RUNDC3B: variants seen among roughly 807,000 people sequenced by gnomAD.
The protein encoded by RUNDC3B is RUN domain containing 3B, also known as RUN domain-containing protein 3B.
RUNDC3B carries 33 observed loss-of-function variants against 58.4 expected under a neutral mutation model. The observed-to-expected ratio is 0.56, with a 90% CI of 0.43 to 0.75. The LOEUF (loss-of-function observed/expected upper bound fraction) is 0.75. Among genes scored for constraint, RUNDC3B ranks in the 30% least tolerant of loss-of-function variants. The pLI, the probability that RUNDC3B is intolerant of heterozygous loss-of-function variation, is 0.00. For missense variants in RUNDC3B, 501 were observed against 535.7 expected (o/e 0.94, Z 0.64); for synonymous variants, 193 against 195.2 (o/e 0.99, Z 0.10).
At chr7:87,656,194 C>G (rs1824082853) in intron 2 of RUNDC3B, among the ~76,000 whole-genome samples, 2 of 151,812 alleles carry the variant, frequency 1.3e-5, no homozygotes, top group South Asian at 4.2e-4. Context: ...TTAGCCATTC[C>G]ATGATATATA....
intron 7 of RUNDC3B, among the ~76,000 whole-genome samples, chr7:87,775,372 T>G (rs1057442431): frequency 1.3e-5 from 2 of 152,226 alleles, no homozygotes; most frequent in Non-Finnish European, 2.9e-5. Context: ...AAAGAAAATG[T>G]TTTTGTATAG....
chr7:87,819,147 C>T (rs1202823101), intron 10 of RUNDC3B, among the ~76,000 whole-genome samples: 1 of 152,098 alleles, frequency 6.6e-6, no homozygotes, highest in East Asian at 1.9e-4. Flanking sequence ...AGTTGTGACT[C>T]GGCCCTGATC....
chr7:87,725,516 C>G (rs1172984058), intron 4 of RUNDC3B, among the ~76,000 whole-genome samples: 10 of 152,116 alleles, frequency 6.6e-5, no homozygotes, highest in African/African-American at 9.7e-5. Flanking sequence ...TTAGTTCCAA[C>G]TCTTTGCTAT....
rs543317729 is a variant in RUNDC3B at position 87,668,285 on chromosome 7, T to C, written c.238+17348T>C. Among the ~76,000 whole-genome samples the C allele has an allele frequency of 3.9e-5, 6 of 152,242 alleles. No individual in the cohort carries two copies. The East Asian group carries it at 9.6e-4, about 24-fold the overall frequency. ...TAGTTTGTGTATGTAGAGGTGTTCA[T>C]AGTAGTTTCTCTTGGTTGTTTTTGT... On this transcript the variant is annotated intron_variant, in intron 2 of 10. Coordinates refer to ENST00000394654, the MANE Select transcript of RUNDC3B (RefSeq NM_001134405.2).
At chr7:87,762,199 GC>G (rs1422594856) in intron 6 of RUNDC3B, among the ~76,000 whole-genome samples, 1 of 151,466 alleles carries the variant, frequency 6.6e-6, no homozygotes, top group African/African-American at 2.4e-5. Flanking sequence ...TGTATCACAT[GC>G]TTTTTCTGCA....
At chr7:87,808,584 A>C (rs976074432) in intron 9 of RUNDC3B, among the ~76,000 whole-genome samples, 1 of 152,114 alleles carries the variant, frequency 6.6e-6, no homozygotes, top group Non-Finnish European at 1.5e-5. Flanking sequence ...GATAAGTAGG[A>C]AAAGATGAAC....
rs1231797811 is a variant in RUNDC3B at position 87,754,374 on chromosome 7, G to C, written c.629+12795G>C. Among the ~76,000 whole-genome samples the C allele has an allele frequency of 3.9e-5, 6 of 152,166 alleles. No individual in the cohort carries two copies. The East Asian group carries it at 1.2e-3, about 29-fold the overall frequency. The stretch of plus-strand genomic sequence containing the variant: ...ATAATGAAATTAAGATGGAAATCAT[G>C]AAGTTCTTTGAAACCAATGAGAACA... On this transcript the variant is annotated intron_variant, in intron 6 of 10. Coordinates refer to ENST00000394654, the MANE Select transcript of RUNDC3B (RefSeq NM_001134405.2).
At chr7:87,751,980 T>C (rs1368052763) in intron 6 of RUNDC3B, among the ~76,000 whole-genome samples, 2 of 152,206 alleles carry the variant, frequency 1.3e-5, no homozygotes, top group African/African-American at 2.4e-5. Flanking sequence ...CTTCCAGTTT[T>C]TGCCCATTCA....
At chr7:87,721,890 A>G (rs1442592803) in intron 4 of RUNDC3B, among the ~76,000 whole-genome samples, 3 of 151,090 alleles carry the variant, frequency 2.0e-5, no homozygotes, top group Non-Finnish European at 4.4e-5. Context: ...ATTATTAGTT[A>G]TTTTATAGCG....
chr7:87,694,640 A>G (rs1468234647), intron 2 of RUNDC3B, among the ~76,000 whole-genome samples: 3 of 152,154 alleles, frequency 2.0e-5, no homozygotes, highest in African/African-American at 7.2e-5. Context: ...GACACACATT[A>G]TACTTGATTT....
chr7:87,669,304 T>C (rs1333631248), intron 2 of RUNDC3B, among the ~76,000 whole-genome samples: 1 of 152,184 alleles, frequency 6.6e-6, no homozygotes, highest in African/African-American at 2.4e-5. Flanking sequence ...AATCCCTTCT[T>C]TTTTCTGTTT....
At chr7:87,762,755 A>G (rs1289474667) in intron 6 of RUNDC3B, among the ~76,000 whole-genome samples, 2 of 151,538 alleles carry the variant, frequency 1.3e-5, no homozygotes, top group East Asian at 1.9e-4. Context: ...AAGCTGTACT[A>G]TGATTCCAGA....
At chr7:87,692,753 C>G (rs1387204425) in intron 2 of RUNDC3B, among the ~76,000 whole-genome samples, 1 of 152,126 alleles carries the variant, frequency 6.6e-6, no homozygotes, top group Admixed American at 6.6e-5. Flanking sequence ...GAAAAGCATT[C>G]TATTCTGATT....
Position 87,682,781 on chromosome 7 carries a change from T to G in RUNDC3B, c.239-17640T>G, listed in dbSNP as rs77079297. 2.2e-3 allele frequency among the ~76,000 whole-genome samples: 340 copies of G among 152,326 alleles called. 12 individuals are homozygous for G. The East Asian group carries it at 0.06, about 27-fold the overall frequency. On this transcript the variant is annotated intron_variant, in intron 2 of 10. Transcript: ENST00000394654. Reference sequence around the variant, plus strand: ...AATACCCTAGGATTTTTTGGAATGGTAAATAAGCATTGGCTTCAACTTAAA... The same window carrying G: ...AATACCCTAGGATTTTTTGGAATGGGAAATAAGCATTGGCTTCAACTTAAA...
chr7:87,730,593 C>T (rs1352536726), intron 4 of RUNDC3B, among the ~76,000 whole-genome samples: 2 of 151,978 alleles, frequency 1.3e-5, no homozygotes, highest in African/African-American at 2.4e-5. Context: ...GAGGTTCTGT[C>T]TATCAGAAGG....
intron 6 of RUNDC3B, among the ~76,000 whole-genome samples, chr7:87,752,240 G>A (rs1833051858): frequency 6.6e-6 from 1 of 152,114 alleles, no homozygotes; most frequent in Non-Finnish European, 1.5e-5. Context: ...TGATCATGGT[G>A]GATAAGCTTT....
At chr7:87,699,617 G>C (rs1698242582) in intron 2 of RUNDC3B, among the ~76,000 whole-genome samples, 1 of 152,196 alleles carries the variant, frequency 6.6e-6, no homozygotes, top group African/African-American at 2.4e-5. Context: ...TGTTGGCCAG[G>C]CTGGCCTCGA....
At chr7:87,755,384 T>G (rs1833309945) in intron 6 of RUNDC3B, among the ~76,000 whole-genome samples, 1 of 152,076 alleles carries the variant, frequency 6.6e-6, no homozygotes, top group Admixed American at 6.6e-5. Context: ...CTCCCCAACT[T>G]ATTCTATGAG....
intron 9 of RUNDC3B, among the ~76,000 whole-genome samples, chr7:87,815,241 T>C (rs1430053696): frequency 6.6e-6 from 1 of 152,124 alleles, no homozygotes; most frequent in Non-Finnish European, 1.5e-5. Context: ...AAATAGATAA[T>C]TTAAATTACA....
Sources: gnomAD v4.1 joint callset for allele counts (sites outside exome capture counted in the v4.1 genomes callset) on GRCh38, gnomAD v4.1.1 for gene constraint, MANE v1.5 for transcripts, NCBI Gene and HGNC (gene_info 2026-07-23, HGNC 2026-07-21) for gene names.